Variants in RBMS1 observed in about 807,000 individuals in gnomAD.
RBMS1 encodes the protein RNA binding motif single stranded interacting protein 1, also known as RNA-binding motif, single-stranded-interacting protein 1.
Under a neutral mutation model 62.3 loss-of-function variants are expected in RBMS1, and 17 were observed. That is an observed-to-expected ratio of 0.27 (90% CI 0.19 to 0.41). The LOEUF (loss-of-function observed/expected upper bound fraction) is 0.41. Among genes scored for constraint, RBMS1 ranks in the 10% least tolerant of loss-of-function variants. The pLI is 1.00. For missense variants in RBMS1, 334 were observed against 504.5 expected, an observed-to-expected ratio of 0.66 and a Z score of 3.24; for synonymous variants, 172 against 170.0, an observed-to-expected ratio of 1.01 and a Z score of -0.09.
chr2:160,463,832 A>G (rs1417622651), intron 1 of RBMS1, among the ~76,000 whole-genome samples: 1 of 152,216 alleles, frequency 6.6e-6, no homozygotes, highest in East Asian at 1.9e-4. Flanking sequence ...AAGGCAATTT[A>G]ACTTTATGTC....
In RBMS1 at chr2:160,380,515, A is replaced by C. The variant is rs578221058; in HGVS notation, c.76-13124T>G. ...CGATATCAAATCATTTTGCTAAAAAAGAAAAAATGCAGGAAGAGGATACAC... is the reference window on the plus strand; with the variant it reads ...CGATATCAAATCATTTTGCTAAAAACGAAAAAATGCAGGAAGAGGATACAC... On this transcript the variant is annotated intron_variant, in intron 1 of 13. Transcript: ENST00000348849. 8.1e-4 allele frequency among the ~76,000 whole-genome samples: 123 copies of C among 152,382 alleles called. 3 individuals carry two copies. The South Asian group carries it at 0.025, about 32-fold the overall frequency.
chr2:160,458,992 G>A (rs1408902395), intron 1 of RBMS1, among the ~76,000 whole-genome samples: 2 of 152,112 alleles, frequency 1.3e-5, no homozygotes, highest in Admixed American at 1.3e-4. Context: ...AGCAAAAATC[G>A]CATGAGCTCA....
intron 1 of RBMS1, among the ~76,000 whole-genome samples, chr2:160,420,554 G>A (rs1022991014): frequency 4.6e-5 from 7 of 152,082 alleles, no homozygotes; most frequent in African/African-American, 1.2e-4. Context: ...CTCCCCATAC[G>A]TACTCTATTG....
At chr2:160,332,989 C>T (rs1057472726) in intron 2 of RBMS1, among the ~76,000 whole-genome samples, 1 of 151,756 alleles carries the variant, frequency 6.6e-6, no homozygotes, top group African/African-American at 2.4e-5. Context: ...CACACACATA[C>T]ATAAAATAAG....
chr2:160,397,611 C>T (rs1286700504), intron 1 of RBMS1, among the ~76,000 whole-genome samples: 1 of 152,128 alleles, frequency 6.6e-6, no homozygotes, highest in Non-Finnish European at 1.5e-5. Context: ...CCTAAAGACA[C>T]ACCCTCTTCA....
At chr2:160,424,558 G>A (rs554773583) in intron 1 of RBMS1, among the ~76,000 whole-genome samples, 30 of 152,174 alleles carry the variant, frequency 2.0e-4, no homozygotes, top group Non-Finnish European at 3.7e-4. Context: ...CCCATTAACT[G>A]GCCACTTCTG....
intron 1 of RBMS1, among the ~76,000 whole-genome samples, chr2:160,371,640 T>A (rs558893371): frequency 4.9e-4 from 74 of 152,318 alleles, no homozygotes; most frequent in Admixed American, 8.5e-4. Context: ...GGGGTGGTTG[T>A]ATTAGACCCT....
intron 13 of RBMS1, chr2:160,275,429 G>T: frequency 9.8e-7 from 1 of 1,017,174 alleles, no homozygotes. Context: ...TCAGTATAAA[G>T]CATTCTCTTT....
At chr2:160,448,161 CATA>C (rs1284148349) in intron 1 of RBMS1, among the ~76,000 whole-genome samples, 2 of 152,022 alleles carry the variant, frequency 1.3e-5, no homozygotes, top group Admixed American at 1.3e-4. Context: ...ATATTCTTTC[CATA>C]ATATCAGCTC....
chr2:160,453,550 A>G (rs1473086692), intron 1 of RBMS1, among the ~76,000 whole-genome samples: 1 of 152,116 alleles, frequency 6.6e-6, no homozygotes, highest in East Asian at 1.9e-4. Flanking sequence ...ATAACAACCT[A>G]ACTTCTGCCA....
intron 1 of RBMS1, among the ~76,000 whole-genome samples, chr2:160,379,634 T>G (rs1277166076): frequency 6.6e-6 from 1 of 152,250 alleles, no homozygotes; most frequent in East Asian, 1.9e-4. Context: ...AGAAATCGGA[T>G]GCAACATTTT....
intron 1 of RBMS1, among the ~76,000 whole-genome samples, chr2:160,445,484 G>T (rs1162185252): frequency 6.6e-6 from 1 of 151,924 alleles, no homozygotes; most frequent in Non-Finnish European, 1.5e-5. Flanking sequence ...TCTGATCAGT[G>T]AAAGGAATTA....
At chr2:160,480,711 A>G (rs1574112572) in intron 1 of RBMS1, among the ~76,000 whole-genome samples, 3 of 152,320 alleles carry the variant, frequency 2.0e-5, no homozygotes, top group South Asian at 4.1e-4. Flanking sequence ...AGCCGATGCT[A>G]AAATTTATAA....
At chr2:160,439,261 G>T (rs1239612808) in intron 1 of RBMS1, among the ~76,000 whole-genome samples, 7 of 150,798 alleles carry the variant, frequency 4.6e-5, no homozygotes, top group Non-Finnish European at 1.0e-4. Flanking sequence ...TCCCAGACGG[G>T]GTGGCTGCTG....
chr2:160,395,159 T>G (rs1695068855), intron 1 of RBMS1, among the ~76,000 whole-genome samples: 1 of 152,228 alleles, frequency 6.6e-6, no homozygotes, highest in South Asian at 2.1e-4. Flanking sequence ...TACTGCTAAT[T>G]TACACTTTTA....
intron 1 of RBMS1, among the ~76,000 whole-genome samples, chr2:160,382,673 C>T (rs1160876432): frequency 7.2e-5 from 11 of 152,104 alleles, no homozygotes; most frequent in Admixed American, 5.9e-4. Context: ...AGACTTTCAA[C>T]TGAAAAATGA....
intron 1 of RBMS1, among the ~76,000 whole-genome samples, chr2:160,428,339 A>G (rs1239067000): frequency 2.6e-5 from 4 of 152,208 alleles, no homozygotes; most frequent in Non-Finnish European, 4.4e-5. Flanking sequence ...CTTAGTTATA[A>G]ATGTCGAACT....
intron 1 of RBMS1, among the ~76,000 whole-genome samples, chr2:160,481,609 C>T (rs1166106740): frequency 2.0e-5 from 3 of 151,794 alleles, no homozygotes; most frequent in East Asian, 3.9e-4. Flanking sequence ...AAAAGACAAC[C>T]CAATTTAAAA....
At chr2:160,304,566 G>T (rs1328972279) in intron 4 of RBMS1, among the ~76,000 whole-genome samples, 1 of 152,144 alleles carries the variant, frequency 6.6e-6, no homozygotes, top group African/African-American at 2.4e-5. Flanking sequence ...TAATAGAGAT[G>T]AAAACTTCCT....
Sources: allele counts gnomAD v4.1 joint callset (sites outside exome capture counted in the v4.1 genomes callset), GRCh38; gene constraint gnomAD v4.1.1; transcripts MANE v1.5; gene names NCBI Gene and HGNC (gene_info 2026-07-23, HGNC 2026-07-21).